The following ZNF469 variants were observed in gnomAD, a reference collection of about 807,000 sequenced individuals.
ZNF469 encodes the protein zinc finger protein 469.
A neutral mutation model predicts 1.0 loss-of-function variants in ZNF469; 1 was observed. The observed-to-expected ratio is 1.00, with a 90% CI of 0.35 to 4.73. ZNF469 has a LOEUF of 4.73. ZNF469 is among the 30% of genes most tolerant of loss of function. The probability of loss-of-function intolerance (pLI) is 0.16; values close to 1 mark genes in which losing one functional copy is unlikely to be tolerated. For missense variants in ZNF469, 6,100 were observed against 5,356.3 expected (o/e 1.14, Z -4.33); for synonymous variants, 2,703 against 2,363.4 (o/e 1.14, Z -4.17).
chr16:88,233,568 G>A, the ZNF469 span, among the ~76,000 whole-genome samples: 1 of 152,268 alleles, frequency 6.6e-6, no homozygotes, highest in Non-Finnish European at 1.5e-5. Flanking sequence ...ATGTATAGCA[G>A]CTGGCCTTGA....
At chr16:88,147,216 G>C in the ZNF469 span, among the ~76,000 whole-genome samples, 14 of 152,194 alleles carry the variant, frequency 9.2e-5, no homozygotes, top group African/African-American at 3.4e-4. Context: ...GGGGCCACGA[G>C]CCAAGGGATG....
chr16:88,219,866 C>T, the ZNF469 span, among the ~76,000 whole-genome samples: 1 of 152,168 alleles, frequency 6.6e-6, no homozygotes, highest in Non-Finnish European at 1.5e-5. Flanking sequence ...AAGTGGCCCT[C>T]CGTGGGTACA....
the ZNF469 span, among the ~76,000 whole-genome samples, chr16:88,212,111 T>G: frequency 6.6e-6 from 1 of 152,238 alleles, no homozygotes; most frequent in Non-Finnish European, 1.5e-5. Context: ...CTCTTAAAGT[T>G]GCCTGCTATT....
At chr16:88,251,536 GTCTTTTTTTTTTTTTT>G in the ZNF469 span, among the ~76,000 whole-genome samples, 1 of 78,788 alleles carries the variant, frequency 1.3e-5, no homozygotes, top group Non-Finnish European at 2.3e-5. Context: ...TGTCCCTGCT[GTCTTTTTTTTTTTTTT>G]TTTTTTTTTT....
At chr16:88,123,530 C>G in the ZNF469 span, among the ~76,000 whole-genome samples, 1 of 151,988 alleles carries the variant, frequency 6.6e-6, no homozygotes, top group African/African-American at 2.4e-5. Context: ...ATATTAACAG[C>G]AAGTCTTGGT....
At chr16:88,201,004 G>A in the ZNF469 span, among the ~76,000 whole-genome samples, 1 of 152,234 alleles carries the variant, frequency 6.6e-6, no homozygotes, top group South Asian at 2.1e-4. The surrounding 1 kb of genome is among the most constrained non-coding windows in gnomAD (Gnocchi z 5.0). Context: ...GCTGACTCCC[G>A]TCTTTCTTTG....
At chr16:88,418,828 T>C (rs1905373861) in intron 1 of ZNF469, among the ~76,000 whole-genome samples, 1 of 152,262 alleles carries the variant, frequency 6.6e-6, no homozygotes, top group Non-Finnish European at 1.5e-5. Flanking sequence ...ACAGATAGTT[T>C]TTAAGCAAAG....
chr16:88,106,178 G>A, the ZNF469 span, among the ~76,000 whole-genome samples: 111 of 152,322 alleles, frequency 7.3e-4, no homozygotes, highest in Non-Finnish European at 1.4e-3. Context: ...GCGGGCGCCA[G>A]CAGGCCGTGC....
the ZNF469 span, among the ~76,000 whole-genome samples, chr16:88,213,416 G>A: frequency 1.3e-5 from 2 of 152,122 alleles, no homozygotes; most frequent in Admixed American, 6.6e-5. Context: ...GCTTTTAATA[G>A]TAGTTTTTTT....
At chr16:88,185,600 G>A in the ZNF469 span, among the ~76,000 whole-genome samples, 1 of 149,942 alleles carries the variant, frequency 6.7e-6, no homozygotes, top group Non-Finnish European at 1.5e-5. Flanking sequence ...GCATACACAT[G>A]TGCCCAGACC....
chr16:88,437,362 G>C lies in ZNF469; in HGVS notation c.9892G>C (p.Asp3298His). 6.5e-7 allele frequency: 1 copy of C among 1,541,712 alleles called. No homozygotes were observed. The highest frequency in any genetic ancestry group is 8.7e-7 in the Non-Finnish European group (1 of 1,142,878). ...CAGCGCCTCTGCCACCGCCCTGGCT[G>C]ACGCCGGCAGCCCGGGCCCCCCCAG... ...PDSASATALA[D>H]AGSPGPPRTT... Residue 3298 changes from aspartate (D) to histidine (H), a missense_variant, in exon 3 of 3, where the codon GAC (aspartate) becomes CAC (histidine). Physicochemically the swap from Asp to His is moderately conservative, Grantham distance 81. Transcript: ENST00000565624.
At chr16:88,376,922 C>T in the ZNF469 span, among the ~76,000 whole-genome samples, 1 of 152,244 alleles carries the variant, frequency 6.6e-6, no homozygotes, top group Admixed American at 6.5e-5. Flanking sequence ...CCCGAGGCCC[C>T]CGAGGGCCCA....
chr16:88,133,365 T>C, the ZNF469 span, among the ~76,000 whole-genome samples: 1 of 152,232 alleles, frequency 6.6e-6, no homozygotes, highest in Non-Finnish European at 1.5e-5. Context: ...TCATCTTTGC[T>C]CTGCAACCCT....
chr16:88,432,636 G>A lies in ZNF469; in HGVS notation c.5166G>A (p.Leu1722=). The A allele has an allele frequency of 6.4e-7, 1 of 1,550,442 alleles. No homozygotes were observed. Among genetic ancestry groups the A allele is most frequent in the Non-Finnish European group, 8.7e-7 (1 of 1,146,984 alleles). The change falls in exon 3 of 3, where the codon CTG becomes CTA. Residue 1722 remains leucine, a synonymous_variant. Transcript: ENST00000565624. ...GDSRPPQDVC[L]PEPSKQPGPQ... The stretch of plus-strand genomic sequence containing the variant: ...GCAGGCCCCCCCAAGATGTCTGCCT[G>A]CCTGAGCCCAGCAAGCAGCCTGGCC...
the ZNF469 span, among the ~76,000 whole-genome samples, chr16:88,278,944 A>ACCTT: frequency 6.6e-6 from 1 of 151,624 alleles, no homozygotes. Context: ...CTCGGTCAGT[A>ACCTT]GCGTGTAGAT....
the ZNF469 span, among the ~76,000 whole-genome samples, chr16:88,357,931 T>G: frequency 1.3e-5 from 2 of 152,210 alleles, no homozygotes; most frequent in Non-Finnish European, 2.9e-5. Context: ...TGCAGGCGCC[T>G]TCCACACCCG....
In ZNF469 at chr16:88,432,291, C is replaced by A. The variant is rs968100044; in HGVS notation, c.4821C>A (p.Ser1607=). 6 of 1,547,060 alleles carry A rather than the reference C, an allele frequency of 3.9e-6. No homozygotes were observed. The highest frequency in any genetic ancestry group is 5.2e-6 in the Non-Finnish European group (6 of 1,146,982). The change falls in exon 3 of 3, where the codon TCC becomes TCA. Residue 1607 remains serine, a synonymous_variant. Coordinates refer to ENST00000565624, the MANE Select transcript of ZNF469 (RefSeq NM_001367624.2). Reference sequence around the variant, plus strand: ...TCGGCACAGGCACAGAGCCACCCTCCCAACGGCGCACCTGCCAGGCCACCG... The same window carrying A: ...TCGGCACAGGCACAGAGCCACCCTCACAACGGCGCACCTGCCAGGCCACCG... ...VELGTGTEPP[S]QRRTCQATVP...
the ZNF469 span, among the ~76,000 whole-genome samples, chr16:88,370,344 C>T: frequency 6.6e-6 from 1 of 152,084 alleles, no homozygotes; most frequent in Non-Finnish European, 1.5e-5. Context: ...GAGCGTGGGG[C>T]GGGCTCCACC....
chr16:88,422,292 G>GGATGGATGGATGGATA lies in ZNF469; in HGVS notation c.-191-2507_-191-2506insGATGGATAGATGGATG, dbSNP rs1366695190. Among the ~76,000 whole-genome samples, 67 of 150,926 alleles carry GGATGGATGGATGGATA rather than the reference G, an allele frequency of 4.4e-4. 1 individual carries two copies. Among genetic ancestry groups the GGATGGATGGATGGATA allele is most frequent in the South Asian group, 2.1e-3 (10 of 4,736 alleles). The stretch of plus-strand genomic sequence containing the variant: ...ATGGATAGGTGGGTAATGGATGGAT[G>GGATGGATGGATGGATA]GATGGATGAGTGGGTGGATAGATGG... On this transcript the variant is annotated intron_variant, in intron 1 of 2. Coordinates refer to ENST00000565624, the MANE Select transcript of ZNF469 (RefSeq NM_001367624.2).
Sources: allele counts gnomAD v4.1 joint callset (sites outside exome capture counted in the v4.1 genomes callset), GRCh38; gene constraint gnomAD v4.1.1; non-coding constraint Gnocchi (gnomAD v3.1); transcripts MANE v1.5; gene names NCBI Gene and HGNC (gene_info 2026-07-23, HGNC 2026-07-21).